Variants in TEX36 observed in about 807,000 individuals in gnomAD.
TEX36 encodes testis-expressed protein 36.
In TEX36, 12 loss-of-function variants were observed where a neutral mutation model predicts 13.6. The ratio of observed to expected loss-of-function variants is 0.88; its 90% CI spans 0.56 to 1.43. The LOEUF is 1.43. TEX36 is among the 40% of genes most tolerant of loss of function. TEX36 has a pLI of 0.00. For missense variants in TEX36, 224 were observed against 228.3 expected (o/e 0.98, Z 0.12); for synonymous variants, 93 against 83.0 (o/e 1.12, Z -0.65).
At chr10:125,604,481 G>C (rs1846190723) in intron 3 of TEX36, among the ~76,000 whole-genome samples, 1 of 151,522 alleles carries the variant, frequency 6.6e-6, no homozygotes, top group Admixed American at 6.6e-5. Context: ...TTCAAGACCA[G>C]CCTAGGCAAC....
intron 3 of TEX36, among the ~76,000 whole-genome samples, chr10:125,584,193 G>A (rs751696300): frequency 1.3e-5 from 2 of 152,198 alleles, no homozygotes; most frequent in Non-Finnish European, 2.9e-5. Context: ...CCAGACTAGG[G>A]CCACCTGAAA....
intron 3 of TEX36, among the ~76,000 whole-genome samples, chr10:125,594,897 C>T (rs115951846): frequency 2.0e-5 from 3 of 152,142 alleles, no homozygotes; most frequent in African/African-American, 7.2e-5. Context: ...ACAGAACCAA[C>T]ATTTGTTTTG....
downstream of TEX36, among the ~76,000 whole-genome samples, chr10:125,620,817 C>T (rs1846420199): frequency 6.6e-6 from 1 of 152,208 alleles, no homozygotes; most frequent in African/African-American, 2.4e-5. Context: ...AACCACCATT[C>T]CAGTTTCCAT....
At chr10:125,641,775 G>C (rs1299410157) in intron 3 of TEX36, among the ~76,000 whole-genome samples, 2 of 152,210 alleles carry the variant, frequency 1.3e-5, no homozygotes, top group Non-Finnish European at 2.9e-5. Flanking sequence ...TTTTGTTTTT[G>C]TAAAGTGGGT....
intron 3 of TEX36, among the ~76,000 whole-genome samples, chr10:125,610,137 C>T (rs1326637043): frequency 6.6e-6 from 1 of 152,222 alleles, no homozygotes; most frequent in Non-Finnish European, 1.5e-5. Context: ...GAATTCCCTG[C>T]CCCTTCCCGG....
chr10:125,588,759 C>T (rs1845988699), intron 3 of TEX36, among the ~76,000 whole-genome samples: 2 of 152,158 alleles, frequency 1.3e-5, no homozygotes, highest in Non-Finnish European at 2.9e-5. Context: ...GGACTATAGG[C>T]GTGTGCCACC....
chr10:125,613,217 CTTTTTT>C (rs71029263), intron 3 of TEX36, among the ~76,000 whole-genome samples: 1 of 116,804 alleles, frequency 8.6e-6, no homozygotes. Flanking sequence ...TCCCCACTTC[CTTTTTT>C]TTTTTTTTTT....
intron 1 of TEX36, among the ~76,000 whole-genome samples, chr10:125,681,256 G>C (rs1221216774): frequency 1.3e-5 from 2 of 152,216 alleles, no homozygotes; most frequent in African/African-American, 4.8e-5. Flanking sequence ...CCCTTGAGCA[G>C]CTGTACTAGC....
At chr10:125,670,011 G>A (rs1303128556) in intron 1 of TEX36, among the ~76,000 whole-genome samples, 1 of 152,198 alleles carries the variant, frequency 6.6e-6, no homozygotes, top group Admixed American at 6.5e-5. Flanking sequence ...GGATGTTTGG[G>A]TTGACTCCAT....
At chr10:125,656,267 T>C in intron 3 of TEX36, 71 bp from the exon 4 acceptor site, 1 of 1,349,464 alleles carries the variant, frequency 7.4e-7, no homozygotes, top group Non-Finnish European at 9.6e-7. Flanking sequence ...TTTTTTTTTT[T>C]TTTTTTTGAG....
At chr10:125,591,429 C>T (rs1049922486) in intron 3 of TEX36, among the ~76,000 whole-genome samples, 5 of 152,134 alleles carry the variant, frequency 3.3e-5, no homozygotes, top group African/African-American at 9.7e-5. Context: ...GAAGTGAGGG[C>T]CCCCAGGCTG....
intron 3 of TEX36, among the ~76,000 whole-genome samples, chr10:125,638,303 G>A (rs561409861): frequency 2.9e-4 from 44 of 151,216 alleles, no homozygotes; most frequent in South Asian, 1.3e-3. Context: ...TCTTTCCCTC[G>A]GTCTATAAGC....
At chr10:125,615,883 C>A (rs560773864) in intron 3 of TEX36, among the ~76,000 whole-genome samples, 1 of 152,120 alleles carries the variant, frequency 6.6e-6, no homozygotes, top group African/African-American at 2.4e-5. Context: ...GGTACCTCTG[C>A]TAGAATTCGG....
intron 3 of TEX36, among the ~76,000 whole-genome samples, chr10:125,623,933 C>A (rs777115436): frequency 1.3e-5 from 2 of 152,196 alleles, no homozygotes; most frequent in Admixed American, 6.5e-5. Flanking sequence ...CTTATCCTCA[C>A]CTCAGAGTGG....
intron 3 of TEX36, among the ~76,000 whole-genome samples, chr10:125,587,993 G>C (rs55783015): frequency 6.6e-6 from 1 of 152,022 alleles, no homozygotes; most frequent in South Asian, 2.1e-4. Context: ...TTCTCCATCT[G>C]GTGTGGATAC....
At chr10:125,597,853 T>G (rs532367224) in intron 3 of TEX36, among the ~76,000 whole-genome samples, 13 of 152,252 alleles carry the variant, frequency 8.5e-5, no homozygotes, top group Non-Finnish European at 1.8e-4. Context: ...CAAGGACATA[T>G]GCTAGGTGTT....
At chr10:125,634,706 A>T (rs1275344809) in intron 3 of TEX36, among the ~76,000 whole-genome samples, 1 of 152,210 alleles carries the variant, frequency 6.6e-6, no homozygotes, top group Non-Finnish European at 1.5e-5. Context: ...TTTTGTTAAA[A>T]ATCAGAAGGT....
intron 1 of TEX36, among the ~76,000 whole-genome samples, chr10:125,663,914 C>T (rs1403360820): frequency 6.6e-6 from 1 of 152,038 alleles, no homozygotes; most frequent in Non-Finnish European, 1.5e-5. Context: ...ACTGTAGTCA[C>T]CCCCCTGTCA....
At chr10:125,652,252 G>T (rs1846872815), downstream of TEX36, among the ~76,000 whole-genome samples, 1 of 152,136 alleles carries the variant, frequency 6.6e-6, no homozygotes, top group Admixed American at 6.5e-5. Flanking sequence ...TATACTACAA[G>T]TAACCAAAAC....
Sources: gnomAD v4.1 joint callset for allele counts (sites outside exome capture counted in the v4.1 genomes callset) on GRCh38, gnomAD v4.1.1 for gene constraint, MANE v1.5 for transcripts, NCBI Gene and HGNC (gene_info 2026-07-23, HGNC 2026-07-21) for gene names.